The following SH3D19 variants were observed in gnomAD, a reference collection of about 807,000 sequenced individuals.
SH3D19 encodes the protein SH3 domain containing 19, also known as SH3 domain-containing protein 19.
SH3D19 carries 58 observed loss-of-function variants against 112.1 expected under a neutral mutation model. The ratio of observed to expected loss-of-function variants is 0.52; its 90% CI spans 0.42 to 0.64. The LOEUF (loss-of-function observed/expected upper bound fraction) is 0.64. Among genes scored for constraint, SH3D19 ranks in the 30% least tolerant of loss-of-function variants. The probability of loss-of-function intolerance (pLI) is 0.00; values close to 1 mark genes in which losing one functional copy is unlikely to be tolerated. For synonymous variants in SH3D19, 391 were observed against 448.5 expected (o/e 0.87, Z 1.62); for missense variants, 1,090 against 1,263.4 (o/e 0.86, Z 2.08).
At chr4:151,197,480 T>C (rs1305571646) in intron 2 of SH3D19, among the ~76,000 whole-genome samples, 1 of 152,202 alleles carries the variant, frequency 6.6e-6, no homozygotes, top group Non-Finnish European at 1.5e-5. Context: ...GCAGCTAATA[T>C]TTGGAACTGG....
chr4:151,255,562 G>C (rs920743526), intron 1 of SH3D19, among the ~76,000 whole-genome samples: 1 of 147,662 alleles, frequency 6.8e-6, no homozygotes, highest in Non-Finnish European at 1.5e-5. Context: ...CAGGCAGAGG[G>C]GCTCCTCACA....
At chr4:151,301,083 C>G (rs991775283) in intron 1 of SH3D19, among the ~76,000 whole-genome samples, 1 of 152,144 alleles carries the variant, frequency 6.6e-6, no homozygotes, top group Non-Finnish European at 1.5e-5. Flanking sequence ...GTGTCCCCAC[C>G]CAAATCTCAT....
intron 1 of SH3D19, among the ~76,000 whole-genome samples, chr4:151,255,382 C>G (rs1263741381): frequency 1.3e-5 from 2 of 150,840 alleles, no homozygotes; most frequent in South Asian, 2.1e-4. Flanking sequence ...TCCTCACATC[C>G]CAGACGGGGC....
intron 1 of SH3D19, among the ~76,000 whole-genome samples, chr4:151,281,791 C>T (rs557890984): frequency 1.1e-4 from 16 of 151,984 alleles, no homozygotes; most frequent in Non-Finnish European, 2.1e-4. Flanking sequence ...AAATGAAGGT[C>T]TAGTGCTCAG....
intron 1 of SH3D19, among the ~76,000 whole-genome samples, chr4:151,235,947 C>T (rs1046695691): frequency 6.6e-6 from 1 of 152,218 alleles, no homozygotes; most frequent in Admixed American, 6.5e-5. Context: ...AGCACCAGGC[C>T]TGACCCATAG....
chr4:151,301,329 G>C lies in SH3D19; in HGVS notation c.112+23912C>G, dbSNP rs141037698. Among the ~76,000 whole-genome samples, 395 of 152,352 alleles carry C rather than the reference G, an allele frequency of 2.6e-3. 3 individuals are homozygous for C. The highest frequency in any genetic ancestry group is 8.2e-3 in the African/African-American group (339 of 41,580). On this transcript the variant is annotated intron_variant, in intron 1 of 19. Coordinates refer to ENST00000604030, the MANE Select transcript of SH3D19 (RefSeq NM_001378122.1). Reference sequence around the variant, plus strand: ...CACAACCTCCACCTCCCAGGTTCAAGCAATTCTCCTGCCTCAGCCTCCTGA... The same window carrying C: ...CACAACCTCCACCTCCCAGGTTCAACCAATTCTCCTGCCTCAGCCTCCTGA...
intron 8 of SH3D19, among the ~76,000 whole-genome samples, chr4:151,160,087 C>CTTTTTTTT (rs1203320024): frequency 7.3e-6 from 1 of 137,542 alleles, no homozygotes. Flanking sequence ...TGTTTTATTT[C>CTTTTTTTT]TTTTTTTTTT....
At chr4:151,304,443 T>C (rs1728746246) in intron 1 of SH3D19, among the ~76,000 whole-genome samples, 1 of 152,116 alleles carries the variant, frequency 6.6e-6, no homozygotes, top group African/African-American at 2.4e-5. Context: ...CTGGTACCAA[T>C]ATCAGGACTA....
Position 151,147,937 on chromosome 4 carries a change from G to C in SH3D19, c.2067C>G (p.Leu689=). ...CTAAATTTACCATGTATTTACTGTA[G>C]AGAGGGTGTCCTGGTTTGGGACGAG... The part of the protein sequence containing the change: ...LPPRPKPGHP[L]YSKYMRGDVL... The change falls in exon 11 of 20, where the codon CTC becomes CTG. Residue 689 remains leucine (L), a synonymous_variant. Transcript: ENST00000604030. 1 of 1,611,640 alleles carries C rather than the reference G, an allele frequency of 6.2e-7. No homozygotes were observed. The highest frequency in any genetic ancestry group is 1.1e-5 in the South Asian group (1 of 90,606).
intron 1 of SH3D19, chr4:151,279,157 C>A: frequency 2.4e-6 from 1 of 418,140 alleles, no homozygotes. Context: ...TCTTGGCCAT[C>A]TACAACACGT....
chr4:151,180,411 C>CTTTTTTTTTTT (rs367719721), intron 3 of SH3D19, among the ~76,000 whole-genome samples: 1 of 130,768 alleles, frequency 7.6e-6, no homozygotes, highest in African/African-American at 2.9e-5. Context: ...ATTTTTTTTT[C>CTTTTTTTTTTT]TTTTTTTTTT....
chr4:151,199,835 A>C (rs1164594883), intron 2 of SH3D19, among the ~76,000 whole-genome samples: 1 of 152,176 alleles, frequency 6.6e-6, no homozygotes, highest in Non-Finnish European at 1.5e-5. Context: ...ATCTTACTTT[A>C]AAAAATATAT....
At chr4:151,291,675 T>C (rs1186281622) in intron 1 of SH3D19, among the ~76,000 whole-genome samples, 1 of 152,194 alleles carries the variant, frequency 6.6e-6, no homozygotes, top group African/African-American at 2.4e-5. Context: ...TAAATAGCTA[T>C]AAGACTAATG....
At chr4:151,273,085 C>G (rs1489347696) in intron 1 of SH3D19, among the ~76,000 whole-genome samples, 1 of 152,098 alleles carries the variant, frequency 6.6e-6, no homozygotes, top group Non-Finnish European at 1.5e-5. Context: ...TTAATTCTTT[C>G]CTTTTACCTT....
intron 4 of SH3D19, among the ~76,000 whole-genome samples, chr4:151,177,832 T>C (rs1395767505): frequency 4.6e-5 from 7 of 152,244 alleles, no homozygotes; most frequent in African/African-American, 7.2e-5. Context: ...TTGTATATGA[T>C]TTGATGATTA....
At position 151,174,919 on chromosome 4, in the gene SH3D19, C is replaced by T. The variant is rs766573456; in HGVS notation, c.1285G>A (p.Val429Ile). 14 of 1,613,416 alleles carry T rather than the reference C, an allele frequency of 8.7e-6. No individual in the cohort carries two copies. In the South Asian group the frequency reaches 1.3e-4, roughly 15 times the overall value. ...GGGTAGGTGGGGTTTTCTGAGGAAA[C>T]AGATTTCTTCAGCAGCAAAGGCCGC... ...APRPLLLKKS[V>I]SSENPTYPSA... The change falls in exon 7 of 20, where the codon GTT (valine) becomes ATT (isoleucine). Residue 429 changes from valine (V) to isoleucine (I), a missense_variant. By Grantham distance (29) the Val-to-Ile change is conservative. Coordinates refer to ENST00000604030, the MANE Select transcript of SH3D19 (RefSeq NM_001378122.1).
At chr4:151,192,759 A>T (rs1316462898) in intron 2 of SH3D19, among the ~76,000 whole-genome samples, 1 of 152,196 alleles carries the variant, frequency 6.6e-6, no homozygotes, top group Non-Finnish European at 1.5e-5. Flanking sequence ...CTGTTCCTTT[A>T]GGTCATCCTT....
At chr4:151,306,663 C>T (rs1348707543) in intron 1 of SH3D19, among the ~76,000 whole-genome samples, 1 of 152,188 alleles carries the variant, frequency 6.6e-6, no homozygotes, top group Admixed American at 6.5e-5. Flanking sequence ...GTTTGCAAAA[C>T]CCATGTGCTC....
intron 1 of SH3D19, among the ~76,000 whole-genome samples, chr4:151,245,802 A>G (rs1357382742): frequency 6.6e-6 from 1 of 152,098 alleles, no homozygotes; most frequent in Non-Finnish European, 1.5e-5. Flanking sequence ...AGGTTTCACC[A>G]TATTGGCCAG....
Sources: gnomAD v4.1 joint callset for allele counts (sites outside exome capture counted in the v4.1 genomes callset) on GRCh38, gnomAD v4.1.1 for gene constraint, MANE v1.5 for transcripts, NCBI Gene and HGNC (gene_info 2026-07-23, HGNC 2026-07-21) for gene names.